PSMB10: variants seen among roughly 807,000 people sequenced by gnomAD.
The protein encoded by PSMB10 is proteasome 20S subunit beta 10, also known as proteasome subunit beta type-10.
In PSMB10, 29 loss-of-function variants were observed where a neutral mutation model predicts 29.8. The ratio of observed to expected loss-of-function variants is 0.97; its 90% CI spans 0.73 to 1.33. The LOEUF is 1.33. PSMB10 is among the 40% of genes most tolerant of loss of function. The probability of loss-of-function intolerance (pLI) is 0.00; values close to 1 mark genes in which losing one functional copy is unlikely to be tolerated. For missense variants in PSMB10, 327 were observed against 369.2 expected (o/e 0.89, Z 0.94); for synonymous variants, 157 against 164.7 (o/e 0.95, Z 0.36).
chr16:67,936,259 C>T lies in PSMB10; in HGVS notation c.198G>A (p.Ala66=), dbSNP rs762186558. The change falls in exon 3 of 8, where the codon GCG becomes GCA. Residue 66 remains alanine, a synonymous_variant. Coordinates refer to ENST00000358514, the MANE Select transcript of PSMB10 (RefSeq NM_002801.4). ...DTRATNDSVV[A]DKSCEKIHFI... is the part of the protein sequence containing the mutation. ...AGTGGATCTTCTCGCAGCTCTTGTC[C>T]GCCACGACCGAATCGTTAGTGGCTC... The T allele has an allele frequency of 2.0e-5, 33 of 1,613,888 alleles. No homozygotes were observed. Among genetic ancestry groups the T allele is most frequent in the Non-Finnish European group, 2.6e-5 (31 of 1,179,998 alleles).
At chr16:67,935,156 A>G (rs1376519610) in intron 6 of PSMB10, 1 of 721,396 alleles carries the variant, frequency 1.4e-6, no homozygotes, top group East Asian at 2.7e-5. Flanking sequence ...ACGTTGATAT[A>G]AGTAGGACCC....
chr16:67,936,757 C>T lies in PSMB10; in HGVS notation c.-8G>A, dbSNP rs1188287314. The T allele has an allele frequency of 6.4e-7, 1 of 1,555,482 alleles. No homozygotes were observed. Among genetic ancestry groups the T allele is most frequent in the Non-Finnish European group, 8.7e-7 (1 of 1,149,278 alleles). On this transcript the variant is annotated 5_prime_UTR_variant, in exon 1 of 8. Coordinates refer to ENST00000358514, the MANE Select transcript of PSMB10 (RefSeq NM_002801.4). Reference sequence around the variant, plus strand: ...CAGGGCTGGCTTCAGCATCTTGGGGCAGGCAGAGGGGATTAGGGGTCGCGG... The same window carrying T: ...CAGGGCTGGCTTCAGCATCTTGGGGTAGGCAGAGGGGATTAGGGGTCGCGG...
At position 67,936,005 on chromosome 16, in the gene PSMB10, C is replaced by T; in HGVS notation, c.341G>A (p.Arg114His). Reference sequence around the variant, plus strand: ...CAGGATGCGAGTGACCGTGGCCACGCGGGGCTCGCGGCCCGTAGATAACGC... The same window carrying T: ...CAGGATGCGAGTGACCGTGGCCACGTGGGGCTCGCGGCCCGTAGATAACGC... ...LHALSTGREP[R>H]VATVTRILRQ... The change falls in exon 4 of 8, where the codon CGC (arginine) becomes CAC (histidine). Residue 114 changes from arginine (R) to histidine (H), a missense_variant. Transcript: ENST00000358514. The T allele has an allele frequency of 6.2e-7, 1 of 1,612,380 alleles. No homozygotes were observed. The highest frequency in any genetic ancestry group is 8.5e-7 in the Non-Finnish European group (1 of 1,179,290).
rs2058260111 is a variant in PSMB10 at position 67,935,654 on chromosome 16, C to G, written c.427G>C (p.Asp143His). The G allele has an allele frequency of 1.2e-6, 2 of 1,614,080 alleles. No individual in the cohort carries two copies. Among genetic ancestry groups the G allele is most frequent in the Non-Finnish European group, 1.7e-6 (2 of 1,180,052 alleles). ...VGASLIVGGV[D>H]LTGPQLYGVH... ...CCGTAGAGCTGCGGTCCAGTCAGGT[C>G]TACGCCGCCCACGATCAGCGATGCA... The change falls in exon 5 of 8, where the codon GAC (aspartate) becomes CAC (histidine). Residue 143 changes from aspartate (D) to histidine (H), a missense_variant. Asp to His is a moderately conservative substitution (Grantham distance 81). Coordinates refer to ENST00000358514, the MANE Select transcript of PSMB10 (RefSeq NM_002801.4).
Position 67,934,605 on chromosome 16 carries a change from G to T in PSMB10, c.777C>A (p.Thr259=), listed in dbSNP as rs766368058. The stretch of plus-strand genomic sequence containing the variant: ...GCACAGTTTCCTCCACTAGCTCCAG[G>T]GTTAGTGGCTTCACTGTCTGGGTCA... ...AVLTQTVKPL[T]LELVEETVQA... Residue 259 remains threonine, a synonymous_variant, in exon 8 of 8, where the codon ACC becomes ACA. Coordinates refer to ENST00000358514, the MANE Select transcript of PSMB10 (RefSeq NM_002801.4). The surrounding 1 kb of genome is among the most constrained non-coding windows in gnomAD (Gnocchi z 4.3). 6.2e-7 allele frequency: 1 copy of T among 1,614,152 alleles called. No homozygotes were observed.
Position 67,936,795 on chromosome 16 carries a change from GC to G in PSMB10, c.-47del. ...TTAGGGGTCGCGGGCGGATGAGTCG[GC>G]CAGACAAGCGGGGCCAGTGAGCAGC... On this transcript the variant is annotated 5_prime_UTR_variant, in exon 1 of 8. Coordinates refer to ENST00000358514, the MANE Select transcript of PSMB10 (RefSeq NM_002801.4). 6.6e-7 allele frequency: 1 copy of G among 1,505,350 alleles called. No homozygotes were observed. The highest frequency in any genetic ancestry group is 9.0e-7 in the Non-Finnish European group (1 of 1,109,262). The allele number at this position is 1,505,350 out of a possible 1,614,324, so 93.2% of individuals were successfully genotyped here. A position where few individuals can be genotyped will look rare whatever the true frequency, so the allele number is the denominator to read the frequency against.
In PSMB10 at chr16:67,934,987, T is replaced by A. The variant is rs747538406; in HGVS notation, c.559-39A>T. The A allele has an allele frequency of 6.9e-6, 11 of 1,596,702 alleles. No homozygotes were observed. In the South Asian group the frequency reaches 1.2e-4, roughly 18 times the overall value. ...TGTGTGAGACCTAACGGGCTCTCTCTGCTGTTAACTTAGGCTACAGCCTGG... is the reference window on the plus strand; with the variant it reads ...TGTGTGAGACCTAACGGGCTCTCTCAGCTGTTAACTTAGGCTACAGCCTGG... On this transcript the variant is annotated intron_variant, in intron 6 of 7. Coordinates refer to ENST00000358514, the MANE Select transcript of PSMB10 (RefSeq NM_002801.4). This position sits in a 1 kb window ranked among gnomAD's most constrained non-coding sequence, Gnocchi z 4.3.
Position 67,936,019 on chromosome 16 carries a change from C to T in PSMB10, c.327G>A (p.Thr109=). 1 of 1,612,610 alleles carries T rather than the reference C, an allele frequency of 6.2e-7. No homozygotes were observed. Among genetic ancestry groups the T allele is most frequent in the Non-Finnish European group, 8.5e-7 (1 of 1,179,394 alleles). ...ASKMELHALS[T]GREPRVATVT... ...CCGTGGCCACGCGGGGCTCGCGGCCCGTAGATAACGCGTGTAGCTCCATCT... is the reference window on the plus strand; with the variant it reads ...CCGTGGCCACGCGGGGCTCGCGGCCTGTAGATAACGCGTGTAGCTCCATCT... Residue 109 remains threonine, a synonymous_variant, in exon 4 of 8, where the codon ACG becomes ACA. Transcript: ENST00000358514.
chr16:67,936,722 CTCGGGG>C lies in PSMB10; in HGVS notation c.22_27del (p.Pro8_Arg9del), dbSNP rs2058265956. 2 of 1,556,994 alleles carry C rather than the reference CTCGGGG, an allele frequency of 1.3e-6. No individual in the cohort carries two copies. The highest frequency in any genetic ancestry group is 1.7e-6 in the Non-Finnish European group (2 of 1,149,942). On this transcript the variant is annotated inframe_deletion, in exon 1 of 8. Transcript: ENST00000358514. ...TGGCAGTTCTCGAAGGAGAAGCCCC[CTCGGGG>C]CTCCAGGGCTGGCTTCAGCATCTTG...
In PSMB10 at chr16:67,935,979, G is replaced by A. The variant is rs771888401; in HGVS notation, c.367C>T (p.Arg123Cys). The A allele has an allele frequency of 1.9e-5, 30 of 1,610,954 alleles. No homozygotes were observed. The highest frequency in any genetic ancestry group is 2.2e-5 in the Non-Finnish European group (26 of 1,178,372). Residue 123 changes from arginine to cysteine, a missense_variant, in exon 4 of 8, where the codon CGC becomes TGC. Arg to Cys is a radical substitution (Grantham distance 180). Transcript: ENST00000358514. ...CCCCCGCACCTGAAGAGCGTCTGGCGCAGGATGCGAGTGACCGTGGCCACG... is the reference window on the plus strand; with the variant it reads ...CCCCCGCACCTGAAGAGCGTCTGGCACAGGATGCGAGTGACCGTGGCCACG... ...PRVATVTRIL[R>C]QTLFRYQGHV...
Position 67,935,431 on chromosome 16 carries a change from G to A in PSMB10, c.547C>T (p.Pro183Ser). ...ALAVLEDRFQ[P>S]NMTLEAAQGL... ...CAGAGGCCGCTCACCGTCATGTTCGGCTGGAACCGGTCTTCTAGCACCGCC... is the reference window on the plus strand; with the variant it reads ...CAGAGGCCGCTCACCGTCATGTTCGACTGGAACCGGTCTTCTAGCACCGCC... The change falls in exon 6 of 8, where the codon CCG becomes TCG. Residue 183 changes from proline (P) to serine (S), a missense_variant. By Grantham distance (74) the Pro-to-Ser change is moderately conservative. Transcript: ENST00000358514. 6.2e-7 allele frequency: 1 copy of A among 1,613,978 alleles called. No individual in the cohort carries two copies. The highest frequency in any genetic ancestry group is 8.5e-7 in the Non-Finnish European group (1 of 1,180,038).
Position 67,934,918 on chromosome 16 carries a change from C to T in PSMB10, c.589G>A (p.Ala197Thr), listed in dbSNP as rs762967708. Residue 197 changes from alanine to threonine, a missense_variant, in exon 7 of 8, where the codon GCC becomes ACC. Physicochemically the swap from Ala to Thr is moderately conservative, Grantham distance 58. Coordinates refer to ENST00000358514, the MANE Select transcript of PSMB10 (RefSeq NM_002801.4). The surrounding 1 kb of genome is among the most constrained non-coding windows in gnomAD (Gnocchi z 4.3). ...LEAAQGLLVE[A>T]VTAGILGDLG... is the part of the protein sequence containing the mutation. Reference sequence around the variant, plus strand: ...TCACCCAAGATCCCGGCGGTGACGGCTTCCACCAGCAGCCCCTGAGCAGCC... The same window carrying T: ...TCACCCAAGATCCCGGCGGTGACGGTTTCCACCAGCAGCCCCTGAGCAGCC... 13 of 1,612,780 alleles carry T rather than the reference C, an allele frequency of 8.1e-6. No homozygotes were observed. Among genetic ancestry groups the T allele is most frequent in the South Asian group, 4.4e-5 (4 of 91,068 alleles).
intron 5 of PSMB10, 39 bp downstream of exon 5, chr16:67,935,543 C>T (rs1567405951): frequency 6.2e-7 from 1 of 1,613,962 alleles, no homozygotes; most frequent in Admixed American, 1.7e-5. Flanking sequence ...GCCAAGGTCA[C>T]AGGGGCAGAG....
rs1264725727 is a variant in PSMB10, at chr16:67,934,974, A to C, written c.559-26T>G. Reference sequence around the variant, plus strand: ...CTGCGGTGATGGGTGTGTGAGACCTAACGGGCTCTCTCTGCTGTTAACTTA... The same window carrying C: ...CTGCGGTGATGGGTGTGTGAGACCTCACGGGCTCTCTCTGCTGTTAACTTA... On this transcript the variant is annotated intron_variant, in intron 6 of 7. Transcript: ENST00000358514. The surrounding 1 kb of genome is among the most constrained non-coding windows in gnomAD (Gnocchi z 4.3). 2 of 1,603,584 alleles carry C rather than the reference A, an allele frequency of 1.2e-6. No homozygotes were observed. Among genetic ancestry groups the C allele is most frequent in the Non-Finnish European group, 1.7e-6 (2 of 1,178,582 alleles).
At chr16:67,935,061 A>C in intron 6 of PSMB10, 113 bp from the exon 7 acceptor site, 1 of 1,384,352 alleles carries the variant, frequency 7.2e-7, no homozygotes, top group Non-Finnish European at 9.8e-7. Context: ...CCAAACCCCC[A>C]CTGTGTTTCT....
In PSMB10 at chr16:67,936,378, C is replaced by T; in HGVS notation, c.144+20G>A. 6.2e-7 allele frequency: 1 copy of T among 1,611,230 alleles called. No homozygotes were observed. Among genetic ancestry groups the T allele is most frequent in the Non-Finnish European group, 8.5e-7 (1 of 1,178,196 alleles). On this transcript the variant is annotated intron_variant, in intron 2 of 7. Coordinates refer to ENST00000358514, the MANE Select transcript of PSMB10 (RefSeq NM_002801.4). ...TACTCTCGGCTCCCCTCCAGCTCCCCGTCCCTCCCCGCTGCTCACTTGGAA... is the reference window on the plus strand; with the variant it reads ...TACTCTCGGCTCCCCTCCAGCTCCCTGTCCCTCCCCGCTGCTCACTTGGAA...
Position 67,935,641 on chromosome 16 carries a change from G to A in PSMB10, c.440C>T (p.Pro147Leu), listed in dbSNP as rs1490298498. 1 of 1,614,166 alleles carries A rather than the reference G, an allele frequency of 6.2e-7. No individual in the cohort carries two copies. The highest frequency in any genetic ancestry group is 1.7e-5 in the Admixed American group (1 of 60,030). Residue 147 changes from proline to leucine, a missense_variant, in exon 5 of 8, where the codon CCG (proline) becomes CTG (leucine). Physicochemically the swap from Pro to Leu is moderately conservative, Grantham distance 98 (BLOSUM62 -3). Transcript: ENST00000358514. ...ATGGGGATGCACACCGTAGAGCTGC[G>A]GTCCAGTCAGGTCTACGCCGCCCAC... The part of the protein sequence containing the change: ...LIVGGVDLTG[P>L]QLYGVHPHGS...
chr16:67,936,674 C>A lies in PSMB10; in HGVS notation c.56+20G>T. The A allele has an allele frequency of 6.5e-7, 1 of 1,547,968 alleles. No homozygotes were observed. Among genetic ancestry groups the A allele is most frequent in the Non-Finnish European group, 8.7e-7 (1 of 1,145,208 alleles). Reference sequence around the variant, plus strand: ...GCAGAGGCGGCTCAGGAGTGACCGCCCCCCGCGCCCCCGCTTCACCTTTGG... The same window carrying A: ...GCAGAGGCGGCTCAGGAGTGACCGCACCCCGCGCCCCCGCTTCACCTTTGG... On this transcript the variant is annotated intron_variant, in intron 1 of 7. Transcript: ENST00000358514.
In PSMB10 at chr16:67,934,726, C is replaced by T; in HGVS notation, c.711-55G>A. 1 of 1,610,836 alleles carries T rather than the reference C, an allele frequency of 6.2e-7. No individual in the cohort carries two copies. Among genetic ancestry groups the T allele is most frequent in the African/African-American group, 1.3e-5 (1 of 74,994 alleles). ...ATGGGCCTGTCATGTGGCCCATCCCCTTTTTGCAGCCCCCTATCTCCCCTG... is the reference window on the plus strand; with the variant it reads ...ATGGGCCTGTCATGTGGCCCATCCCTTTTTTGCAGCCCCCTATCTCCCCTG... On this transcript the variant is annotated intron_variant, in intron 7 of 7. Coordinates refer to ENST00000358514, the MANE Select transcript of PSMB10 (RefSeq NM_002801.4). This position sits in a 1 kb window ranked among gnomAD's most constrained non-coding sequence, Gnocchi z 4.3.
Sources: gnomAD v4.1 joint callset for allele counts on GRCh38, gnomAD v4.1.1 for gene constraint, Gnocchi (gnomAD v3.1) non-coding constraint, MANE v1.5 for transcripts, NCBI Gene and HGNC (gene_info 2026-07-23, HGNC 2026-07-21) for gene names.